Variants in NOL4 observed in about 807,000 individuals in gnomAD.
The protein encoded by NOL4 is nucleolar protein 4.
A neutral mutation model predicts 75.9 loss-of-function variants in NOL4; 17 were observed. The ratio of observed to expected loss-of-function variants is 0.22; its 90% CI spans 0.15 to 0.34. The LOEUF (loss-of-function observed/expected upper bound fraction) is 0.34, where lower values mean the gene tolerates loss of function less well. NOL4 is among the 10% of genes least tolerant of loss of function. The pLI, the probability that NOL4 is intolerant of heterozygous loss-of-function variation, is 1.00. For missense variants in NOL4, 614 were observed against 793.5 expected (o/e 0.77, Z 2.72); for synonymous variants, 292 against 289.9 (o/e 1.01, Z -0.07).
intron 1 of NOL4, among the ~76,000 whole-genome samples, chr18:34,134,226 A>G (rs971847823): frequency 1.3e-5 from 2 of 152,144 alleles, no homozygotes; most frequent in African/African-American, 4.8e-5. Flanking sequence ...ATATAGCTAT[A>G]TAAAATTAAA....
chr18:33,884,040 C>T (rs969325887), intron 9 of NOL4, among the ~76,000 whole-genome samples: 1 of 151,978 alleles, frequency 6.6e-6, no homozygotes, highest in African/African-American at 2.4e-5. Context: ...ACTGCACAAC[C>T]ATGTGGATGT....
chr18:34,113,861 T>C (rs1002743264), intron 2 of NOL4, among the ~76,000 whole-genome samples: 1 of 152,140 alleles, frequency 6.6e-6, no homozygotes, highest in Non-Finnish European at 1.5e-5. Flanking sequence ...CTTACCCTAA[T>C]GAAAGGCCTG....
At chr18:34,021,793 T>C (rs979858749) in intron 5 of NOL4, among the ~76,000 whole-genome samples, 2 of 151,638 alleles carry the variant, frequency 1.3e-5, no homozygotes, top group Admixed American at 1.3e-4. Flanking sequence ...TAGGCAAGAG[T>C]CTAAGATGAA....
At chr18:34,135,926 C>A (rs1018820414) in intron 1 of NOL4, among the ~76,000 whole-genome samples, 1 of 151,830 alleles carries the variant, frequency 6.6e-6, no homozygotes, top group Admixed American at 6.6e-5. Flanking sequence ...AATATAGATA[C>A]AAAAATCCTC....
chr18:34,207,717 G>A (rs2036220227), intron 1 of NOL4, among the ~76,000 whole-genome samples: 1 of 152,086 alleles, frequency 6.6e-6, no homozygotes. Context: ...TTAGTTATGT[G>A]CACTGTTACA....
intron 6 of NOL4, among the ~76,000 whole-genome samples, chr18:34,006,383 G>A (rs1473285757): frequency 2.0e-5 from 3 of 151,978 alleles, no homozygotes; most frequent in African/African-American, 4.8e-5. Flanking sequence ...GGTAAACAGA[G>A]TAAAAAAGCT....
At chr18:33,873,438 GA>G (rs2063789598) in intron 10 of NOL4, among the ~76,000 whole-genome samples, 1 of 151,944 alleles carries the variant, frequency 6.6e-6, no homozygotes, top group African/African-American at 2.4e-5. Flanking sequence ...TGTCTTTCCT[GA>G]ACTAGGGGTT....
intron 1 of NOL4, among the ~76,000 whole-genome samples, chr18:34,161,277 G>C (rs529523056): frequency 6.6e-6 from 1 of 152,042 alleles, no homozygotes; most frequent in Admixed American, 6.6e-5. Context: ...AATAAACATG[G>C]GAGTGCAGAT....
At chr18:34,136,753 C>T (rs1271879751) in intron 1 of NOL4, among the ~76,000 whole-genome samples, 3 of 151,926 alleles carry the variant, frequency 2.0e-5, no homozygotes, top group Non-Finnish European at 2.9e-5. Context: ...CCTTATTTTG[C>T]AGGATCATTG....
chr18:33,911,806 G>A (rs989109804), intron 9 of NOL4, among the ~76,000 whole-genome samples: 1 of 151,994 alleles, frequency 6.6e-6, no homozygotes, highest in African/African-American at 2.4e-5. Context: ...CTGAAAAAAG[G>A]CCTGCAGCAG....
intron 9 of NOL4, among the ~76,000 whole-genome samples, chr18:33,902,316 T>C (rs1468203558): frequency 6.6e-6 from 1 of 152,160 alleles, no homozygotes; most frequent in Non-Finnish European, 1.5e-5. Context: ...TTCAGATTCA[T>C]ATCTCAGAAG....
rs192435835 is a variant in NOL4 at position 33,927,964 on chromosome 18, T to C, written c.1542+15101A>G. Reference sequence around the variant, plus strand: ...TCTAACTCCATAATGAATTTGTGACTCTAGTTCAGTTTCTCTAATACACAT... The same window carrying C: ...TCTAACTCCATAATGAATTTGTGACCCTAGTTCAGTTTCTCTAATACACAT... On this transcript the variant is annotated intron_variant, in intron 9 of 10. Transcript: ENST00000261592. 8.5e-5 allele frequency among the ~76,000 whole-genome samples: 13 copies of C among 152,248 alleles called. No homozygotes were observed. The East Asian group carries it at 2.5e-3, about 29-fold the overall frequency.
At chr18:34,098,417 A>G (rs1020516266) in intron 4 of NOL4, among the ~76,000 whole-genome samples, 1 of 152,276 alleles carries the variant, frequency 6.6e-6, no homozygotes, top group Admixed American at 6.5e-5. Flanking sequence ...ATAAAGGAGC[A>G]TCAAGGAACC....
intron 1 of NOL4, among the ~76,000 whole-genome samples, chr18:34,132,736 CA>C (rs35140600): frequency 0.046 from 4,924 of 106,568 alleles, 222 homozygotes; most frequent in African/African-American, 0.15. Flanking sequence ...TTCAAAAACG[CA>C]AAAAAAAAAA....
intron 6 of NOL4, among the ~76,000 whole-genome samples, chr18:33,964,618 A>G (rs1041415823): frequency 2.6e-5 from 4 of 152,224 alleles, no homozygotes; most frequent in Admixed American, 2.0e-4. Context: ...TTGCACTAGC[A>G]GGATCAGCAT....
intron 9 of NOL4, among the ~76,000 whole-genome samples, chr18:33,891,082 C>T (rs950735863): frequency 6.6e-6 from 1 of 151,556 alleles, no homozygotes; most frequent in Non-Finnish European, 1.5e-5. Context: ...TATGATTACA[C>T]ATATATTCTT....
intron 6 of NOL4, among the ~76,000 whole-genome samples, chr18:34,006,871 T>G (rs1323844069): frequency 6.6e-6 from 1 of 151,974 alleles, no homozygotes; most frequent in Non-Finnish European, 1.5e-5. Flanking sequence ...AAAGGCTACA[T>G]GTGCTTCAAA....
At chr18:34,210,179 G>C (rs775114607) in intron 1 of NOL4, among the ~76,000 whole-genome samples, 37 of 152,146 alleles carry the variant, frequency 2.4e-4, no homozygotes, top group Admixed American at 3.9e-4. Context: ...ATAGGACAAA[G>C]ATCTTTAAGT....
At chr18:33,929,173 A>T (rs2067525691) in intron 9 of NOL4, among the ~76,000 whole-genome samples, 1 of 152,120 alleles carries the variant, frequency 6.6e-6, no homozygotes, top group South Asian at 2.1e-4. Context: ...GTAACTTCAC[A>T]GGACATAAGG....
Sources: gnomAD v4.1 joint callset for allele counts (sites outside exome capture counted in the v4.1 genomes callset) on GRCh38, gnomAD v4.1.1 for gene constraint, MANE v1.5 for transcripts, NCBI Gene and HGNC (gene_info 2026-07-23, HGNC 2026-07-21) for gene names.